Variants in MICAL2 observed in about 807,000 individuals in gnomAD.
MICAL2 encodes [F-actin]-monooxygenase MICAL2.
MICAL2 carries 77 observed loss-of-function variants against 127.3 expected under a neutral mutation model. The observed-to-expected ratio is 0.60, with a 90% CI of 0.50 to 0.73. The LOEUF is 0.73. MICAL2 is among the 30% of genes least tolerant of loss of function. MICAL2 has a pLI of 0.00. For synonymous variants in MICAL2, 570 were observed against 551.1 expected (o/e 1.03, Z -0.48); for missense variants, 1,351 against 1,434.4 (o/e 0.94, Z 0.94).
At chr11:12,123,289 C>G (rs991943690) in intron 1 of MICAL2, among the ~76,000 whole-genome samples, 7 of 152,164 alleles carry the variant, frequency 4.6e-5, no homozygotes, top group African/African-American at 1.7e-4. Context: ...CTTTCAGAAT[C>G]TAACTCTTCT....
chr11:12,133,274 G>A (rs1207404447), intron 1 of MICAL2, among the ~76,000 whole-genome samples: 1 of 152,050 alleles, frequency 6.6e-6, no homozygotes, highest in East Asian at 1.9e-4. Context: ...TAGAGATGGG[G>A]TTTCACCATG....
intron 1 of MICAL2, among the ~76,000 whole-genome samples, chr11:12,129,597 C>A (rs188616927): frequency 1.3e-5 from 2 of 149,574 alleles, no homozygotes; most frequent in South Asian, 2.1e-4. Context: ...GGTGACCAGC[C>A]GACCTTTATA....
chr11:12,242,654 T>C lies in MICAL2; in HGVS notation c.2557-17T>C. On this transcript the variant is annotated splice_polypyrimidine_tract_variant and intron_variant, in intron 19 of 27. Coordinates refer to ENST00000683283, the MANE Select transcript of MICAL2 (RefSeq NM_001282663.2). ...CACTATCTCTCTTTTCTTTCTCCTTTCTCACCTTCACTGCAGAAGAGGGCT... is the reference window on the plus strand; with the variant it reads ...CACTATCTCTCTTTTCTTTCTCCTTCCTCACCTTCACTGCAGAAGAGGGCT... 4 of 1,601,134 alleles carry C rather than the reference T, an allele frequency of 2.5e-6. No individual in the cohort carries two copies. Among genetic ancestry groups the C allele is most frequent in the Non-Finnish European group, 3.4e-6 (4 of 1,169,870 alleles).
chr11:12,231,478 T>C (rs1858262026), intron 15 of MICAL2, among the ~76,000 whole-genome samples: 1 of 152,208 alleles, frequency 6.6e-6, no homozygotes, highest in Non-Finnish European at 1.5e-5. Flanking sequence ...CCTGCACACT[T>C]TCCGAAGAGC....
intron 1 of MICAL2, among the ~76,000 whole-genome samples, chr11:12,123,897 T>C (rs1850706647): frequency 6.6e-6 from 1 of 152,126 alleles, no homozygotes. Flanking sequence ...TATATTGTAT[T>C]TATGGTATGA....
chr11:12,280,981 A>G (rs2403613), exon 2 of MICAL2: 132,568 of 398,836 alleles, frequency 0.33, 24,745 homozygotes, highest in East Asian at 0.68. Context: ...CCCACACAGA[A>G]CCCTGTGAAG....
chr11:12,290,063 A>G (rs11606792), downstream of MICAL2, among the ~76,000 whole-genome samples: 14,344 of 152,130 alleles, frequency 0.094, 1,684 homozygotes, highest in African/African-American at 0.28. Context: ...CACAGTGGGC[A>G]TCAGGAAGGG....
intron 32 of MICAL2, among the ~76,000 whole-genome samples, chr11:12,335,327 G>C (rs1938728725): frequency 6.7e-6 from 1 of 149,404 alleles, no homozygotes; most frequent in Non-Finnish European, 1.5e-5. Context: ...AAATTTGTTT[G>C]AGTTCATTGT....
chr11:12,180,365 G>C (rs1162326772), intron 3 of MICAL2, among the ~76,000 whole-genome samples: 1 of 132,760 alleles, frequency 7.5e-6, no homozygotes. Context: ...TTTTTGGCAG[G>C]AAGGTTTCCC....
intron 3 of MICAL2, among the ~76,000 whole-genome samples, chr11:12,175,230 C>T (rs933236620): frequency 1.3e-5 from 2 of 152,116 alleles, no homozygotes; most frequent in African/African-American, 4.8e-5. Context: ...AATCCCAGCA[C>T]TTTGGGAAGC....
downstream of MICAL2, among the ~76,000 whole-genome samples, chr11:12,288,937 G>T (rs1213557156): frequency 2.6e-5 from 4 of 152,218 alleles, no homozygotes; most frequent in Non-Finnish European, 5.9e-5. Context: ...AAAACCTCAG[G>T]GAGCAGGGCT....
intron 17 of MICAL2, among the ~76,000 whole-genome samples, chr11:12,240,838 G>T (rs1859816130): frequency 6.6e-6 from 1 of 152,240 alleles, no homozygotes; most frequent in Non-Finnish European, 1.5e-5. Flanking sequence ...TCCAGGACTT[G>T]CTGTTCACAT....
At chr11:12,124,603 T>C (rs1850764243) in intron 1 of MICAL2, among the ~76,000 whole-genome samples, 1 of 152,218 alleles carries the variant, frequency 6.6e-6, no homozygotes, top group South Asian at 2.1e-4. Flanking sequence ...GGGAGGTCAC[T>C]TTCCCGGGCT....
chr11:12,341,104 G>A (rs1938857173), intron 32 of MICAL2, among the ~76,000 whole-genome samples: 1 of 152,288 alleles, frequency 6.6e-6, no homozygotes, highest in Non-Finnish European at 1.5e-5. Flanking sequence ...AAACAGGTCT[G>A]TGCATGAGCT....
chr11:12,342,055 C>T (rs765296952), intron 32 of MICAL2, among the ~76,000 whole-genome samples: 38 of 152,170 alleles, frequency 2.5e-4, no homozygotes, highest in Non-Finnish European at 3.8e-4. Flanking sequence ...GGGATACTTA[C>T]ATTTCGCACA....
At chr11:12,265,839 G>A (rs138650202), downstream of MICAL2, among the ~76,000 whole-genome samples, 1,100 of 152,314 alleles carry the variant, frequency 7.2e-3, 34 homozygotes, top group Admixed American at 0.061. Flanking sequence ...ACATGGGCCA[G>A]GTGCGGTAGC....
At chr11:12,255,776 AC>A (rs753352235) in intron 23 of MICAL2, 26 bp downstream of exon 23, 36 of 1,580,266 alleles carry the variant, frequency 2.3e-5, no homozygotes, top group Non-Finnish European at 2.8e-5. Context: ...CCCAGCCTTC[AC>A]CCACAGACAC....
At chr11:12,269,101 C>A (rs1863642547) in intron 24 of MICAL2, among the ~76,000 whole-genome samples, 1 of 152,212 alleles carries the variant, frequency 6.6e-6, no homozygotes, top group South Asian at 2.1e-4. Flanking sequence ...ACACCAGGCC[C>A]TGGCTGTGAC....
At chr11:12,186,163 C>CTAGA (rs1858237133) in intron 3 of MICAL2, among the ~76,000 whole-genome samples, 1 of 152,224 alleles carries the variant, frequency 6.6e-6, no homozygotes, top group Non-Finnish European at 1.5e-5. Flanking sequence ...GAGAGCTCTC[C>CTAGA]AGTGCTTAAG....
Sources: gnomAD v4.1 joint callset for allele counts (sites outside exome capture counted in the v4.1 genomes callset) on GRCh38, gnomAD v4.1.1 for gene constraint, MANE v1.5 for transcripts, NCBI Gene and HGNC (gene_info 2026-07-23, HGNC 2026-07-21) for gene names.